GRIN2B: variants seen among roughly 807,000 people sequenced by gnomAD.
The protein encoded by GRIN2B is glutamate receptor ionotropic, NMDA 2B.
GRIN2B carries 5 observed loss-of-function variants against 114.5 expected under a neutral mutation model. The observed-to-expected ratio is 0.04, with a 90% CI of 0.02 to 0.09. GRIN2B has a LOEUF of 0.09. Among genes scored for constraint, GRIN2B ranks in the 10% least tolerant of loss-of-function variants. The probability of loss-of-function intolerance (pLI) is 1.00; values close to 1 mark genes in which losing one functional copy is unlikely to be tolerated. For synonymous variants in GRIN2B, 787 were observed against 745.1 expected, an observed-to-expected ratio of 1.06 and a Z score of -0.92; for missense variants, 1,108 against 1,943.5, an observed-to-expected ratio of 0.57 and a Z score of 8.08.
intron 2 of GRIN2B, among the ~76,000 whole-genome samples, chr12:13,914,676 C>A (rs536056176): frequency 6.6e-6 from 1 of 152,124 alleles, no homozygotes; most frequent in Non-Finnish European, 1.5e-5. Context: ...AACCTAAATG[C>A]CCTTCAATGG....
At chr12:13,734,064 A>G (rs930035334) in intron 4 of GRIN2B, among the ~76,000 whole-genome samples, 2 of 152,250 alleles carry the variant, frequency 1.3e-5, no homozygotes, top group Non-Finnish European at 2.9e-5. Context: ...CCTTTCGGAA[A>G]GTAATTTGAG....
intron 2 of GRIN2B, among the ~76,000 whole-genome samples, chr12:13,974,464 C>G (rs1181645965): frequency 6.6e-6 from 1 of 152,154 alleles, no homozygotes; most frequent in Non-Finnish European, 1.5e-5. Flanking sequence ...GCAGCAAATT[C>G]CTGTGTTGTT....
At chr12:13,571,624 G>A (rs754578836) in intron 11 of GRIN2B, among the ~76,000 whole-genome samples, 180 bp downstream of exon 11, 42 of 152,148 alleles carry the variant, frequency 2.8e-4, no homozygotes, top group African/African-American at 7.5e-4. Flanking sequence ...CATAGGAATC[G>A]TTGTACACTG....
rs977259640 is a variant in GRIN2B, at chr12:13,981,485, G to A, written c.-591C>T. 1.3e-5 allele frequency: 2 copies of A among 152,222 alleles called. No homozygotes were observed. Among genetic ancestry groups the A allele is most frequent in the African/African-American group, 4.8e-5 (2 of 41,434 alleles). The allele number at this position is 152,222 out of a possible 1,614,324, so 9.4% of individuals were successfully genotyped here. On this transcript the variant is annotated 5_prime_UTR_variant, in exon 1 of 14. Coordinates refer to ENST00000609686, the MANE Select transcript of GRIN2B (RefSeq NM_000834.5). ...CATGACTCTTCTTTGCAAGGCAAAA[G>A]GATATGCATTCGGACGCCAGCACTA...
intron 12 of GRIN2B, among the ~76,000 whole-genome samples, chr12:13,567,916 A>ATTCCCC (rs1948662166): frequency 6.6e-6 from 1 of 152,086 alleles, no homozygotes; most frequent in Non-Finnish European, 1.5e-5. Context: ...AGTGGGGAAT[A>ATTCCCC]ACATAATCAA....
intron 2 of GRIN2B, among the ~76,000 whole-genome samples, chr12:13,925,651 C>A (rs1012296588): frequency 6.6e-6 from 1 of 152,106 alleles, no homozygotes; most frequent in Admixed American, 6.5e-5. Context: ...AAACACCCCG[C>A]ACTTCCCTAA....
intron 4 of GRIN2B, among the ~76,000 whole-genome samples, chr12:13,680,436 TTGTGTGTGTGTGTGTGTGTGTG>T (rs56755720): frequency 1.2e-3 from 144 of 123,570 alleles, no homozygotes; most frequent in South Asian, 5.9e-4. Context: ...CCCATCAAGG[TTGTGTGTGTGTGTGTGTGTGTG>T]TGTGTGTGTG....
chr12:13,876,920 T>G (rs1007669364), intron 2 of GRIN2B, among the ~76,000 whole-genome samples: 2 of 152,220 alleles, frequency 1.3e-5, no homozygotes, highest in African/African-American at 4.8e-5. Flanking sequence ...AATAATGAGT[T>G]GCAACTCTCT....
chr12:13,818,643 G>C (rs535294138), intron 3 of GRIN2B, among the ~76,000 whole-genome samples: 15 of 152,228 alleles, frequency 9.9e-5, no homozygotes, highest in Non-Finnish European at 1.9e-4. Flanking sequence ...CAACTAAAAG[G>C]TGAGTAAAAA....
intron 2 of GRIN2B, among the ~76,000 whole-genome samples, chr12:13,914,395 G>A (rs1306794969): frequency 6.6e-6 from 1 of 152,116 alleles, no homozygotes; most frequent in Non-Finnish European, 1.5e-5. Context: ...AGTTAAAATG[G>A]CTTTTATCAA....
intron 3 of GRIN2B, among the ~76,000 whole-genome samples, chr12:13,782,976 G>C (rs1219907750): frequency 6.6e-6 from 1 of 152,136 alleles, no homozygotes; most frequent in East Asian, 1.9e-4. Context: ...CACATTTAGA[G>C]GATGCCAGTG....
intron 2 of GRIN2B, among the ~76,000 whole-genome samples, chr12:13,873,033 A>G (rs1251148524): frequency 6.6e-6 from 1 of 152,212 alleles, no homozygotes; most frequent in Non-Finnish European, 1.5e-5. Flanking sequence ...GTACCCAAAG[A>G]ACTATTAAAC....
intron 3 of GRIN2B, among the ~76,000 whole-genome samples, chr12:13,780,362 G>A (rs1169461184): frequency 6.6e-6 from 1 of 152,012 alleles, no homozygotes; most frequent in African/African-American, 2.4e-5. Context: ...ATTTCATGAA[G>A]GTTCAGCCAG....
chr12:13,839,028 A>G (rs1448305824), intron 3 of GRIN2B, among the ~76,000 whole-genome samples: 1 of 152,116 alleles, frequency 6.6e-6, no homozygotes, highest in Non-Finnish European at 1.5e-5. Context: ...TTGCCAGCAT[A>G]TTCACCCATT....
At chr12:13,570,058 T>C (rs1211253835) in intron 11 of GRIN2B, 41 bp from the exon 12 acceptor site, 1 of 1,413,540 alleles carries the variant, frequency 7.1e-7, no homozygotes, top group African/African-American at 1.4e-5. Flanking sequence ...GGAGGAATTT[T>C]AGAACAAAAC....
intron 4 of GRIN2B, among the ~76,000 whole-genome samples, chr12:13,702,836 A>G (rs1044211018): frequency 3.3e-5 from 5 of 152,154 alleles, no homozygotes; most frequent in Admixed American, 3.3e-4. Flanking sequence ...TCAAACTCCC[A>G]TTCCTTACAG....
chr12:13,666,424 T>C (rs1461144395), intron 5 of GRIN2B, among the ~76,000 whole-genome samples: 1 of 152,082 alleles, frequency 6.6e-6, no homozygotes, highest in Non-Finnish European at 1.5e-5. Context: ...GACATCTCTG[T>C]CAGGATAAAC....
Position 13,563,613 on chromosome 12 carries a change from G to C in GRIN2B, c.3625C>G (p.Arg1209Gly). 6.2e-7 allele frequency: 1 copy of C among 1,613,948 alleles called. No individual in the cohort carries two copies. The highest frequency in any genetic ancestry group is 1.1e-5 in the South Asian group (1 of 91,076). ...CTGCGGCAGAAGTTGCCCCCGGACC[G>C]GTCCTCCCACTCCACGTTGGTCAGG... ...KNLTNVEWED[R>G]SGGNFCRSCP... The change falls in exon 14 of 14, where the codon CGG becomes GGG. Residue 1209 changes from arginine (R) to glycine (G), a missense_variant. Arg to Gly is a moderately radical substitution (Grantham distance 125, BLOSUM62 -2). Around this residue, in one of 19 missense-constraint regions of GRIN2B, gnomAD observed 478 missense variants for 506.0 expected, o/e 0.94. Coordinates refer to ENST00000609686, the MANE Select transcript of GRIN2B (RefSeq NM_000834.5).
chr12:13,723,491 A>AC (rs1011742289), intron 4 of GRIN2B, among the ~76,000 whole-genome samples: 1 of 151,992 alleles, frequency 6.6e-6, no homozygotes, highest in African/African-American at 2.4e-5. Context: ...AAAAAAAAAA[A>AC]AACACTTGCA....
Sources: gnomAD v4.1 joint callset for allele counts (sites outside exome capture counted in the v4.1 genomes callset) on GRCh38, gnomAD v4.1.1 for gene constraint, gnomAD v4.1.1 regional missense constraint, MANE v1.5 for transcripts, NCBI Gene and HGNC (gene_info 2026-07-23, HGNC 2026-07-21) for gene names.